The following ERICH6 variants were observed in gnomAD, a reference collection of about 807,000 sequenced individuals.
The protein encoded by ERICH6 is glutamate rich 6, also known as glutamate-rich protein 6.
In ERICH6, 71 loss-of-function variants were observed where a neutral mutation model predicts 71.0. The ratio of observed to expected loss-of-function variants is 1.00; its 90% confidence interval spans 0.83 to 1.22. ERICH6 has a LOEUF of 1.22. Among genes scored for constraint, ERICH6 ranks in the 50% most tolerant of loss-of-function variants. The pLI, the probability that ERICH6 is intolerant of heterozygous loss-of-function variation, is 0.00. For synonymous variants in ERICH6, 262 were observed against 278.4 expected, an observed-to-expected ratio of 0.94 and a Z score of 0.59; for missense variants, 808 against 797.2, an observed-to-expected ratio of 1.01 and a Z score of -0.16.
intron 3 of ERICH6, among the ~76,000 whole-genome samples, chr3:150,698,393 C>T (rs754626249): frequency 4.6e-5 from 7 of 152,044 alleles, no homozygotes; most frequent in Non-Finnish European, 8.8e-5. Flanking sequence ...GGGAAATATA[C>T]TGGAAAAGTT....
intron 11 of ERICH6, 51 bp downstream of exon 11, chr3:150,673,904 CT>C (rs200794483): frequency 3.2e-5 from 49 of 1,551,424 alleles, no homozygotes; most frequent in Admixed American, 5.1e-5. Context: ...CTTGAGCTTT[CT>C]TTTTTTTGAA....
Position 150,703,654 on chromosome 3 carries a change from G to A in ERICH6, c.245C>T (p.Thr82Met). 1.9e-6 allele frequency: 3 copies of A among 1,613,876 alleles called. No homozygotes were observed. Among genetic ancestry groups the A allele is most frequent in the Non-Finnish European group, 2.5e-6 (3 of 1,179,924 alleles). ...TFSEEYLWKV[T>M]DIGDYDDDFP... Reference sequence around the variant, plus strand: ...GTCGTCGTCGTAGTCACCGATGTCCGTGACCTTCCAGAGGTACTCTTCGCT... The same window carrying A: ...GTCGTCGTCGTAGTCACCGATGTCCATGACCTTCCAGAGGTACTCTTCGCT... Residue 82 changes from threonine to methionine, a missense_variant, in exon 1 of 14, where the codon ACG becomes ATG. Coordinates refer to ENST00000295910, the MANE Select transcript of ERICH6 (RefSeq NM_152394.5).
At chr3:150,694,049 G>T (rs185315362) in intron 3 of ERICH6, among the ~76,000 whole-genome samples, 1 of 152,146 alleles carries the variant, frequency 6.6e-6, no homozygotes, top group Non-Finnish European at 1.5e-5. Context: ...GGACTTCAGA[G>T]TAATGTGGCC....
intron 10 of ERICH6, among the ~76,000 whole-genome samples, chr3:150,674,534 C>T (rs1242467993): frequency 6.6e-6 from 1 of 152,156 alleles, no homozygotes; most frequent in Admixed American, 6.5e-5. Context: ...CTTTCCTCAG[C>T]CTCTTCTTCT....
At chr3:150,703,208 G>A (rs1712984430) in intron 1 of ERICH6, among the ~76,000 whole-genome samples, 1 of 151,074 alleles carries the variant, frequency 6.6e-6, no homozygotes, top group African/African-American at 2.5e-5. Context: ...CTGGGCGACA[G>A]AGCGAGACTC....
intron 10 of ERICH6, among the ~76,000 whole-genome samples, chr3:150,674,959 C>G (rs562470391): frequency 1.3e-5 from 2 of 152,136 alleles, no homozygotes; most frequent in South Asian, 2.1e-4. Flanking sequence ...ATGGTGAAAC[C>G]CTGTCTTCAC....
At chr3:150,696,624 C>T (rs1376324743) in intron 3 of ERICH6, among the ~76,000 whole-genome samples, 2 of 152,026 alleles carry the variant, frequency 1.3e-5, no homozygotes, top group Admixed American at 6.6e-5. Context: ...AAGATATGAA[C>T]ACTGTTTGCT....
chr3:150,663,427 A>C (rs888114012), intron 13 of ERICH6, among the ~76,000 whole-genome samples: 6 of 145,856 alleles, frequency 4.1e-5, no homozygotes, highest in African/African-American at 1.7e-4. Context: ...AGACTGGATC[A>C]AGTGTTGAAA....
intron 3 of ERICH6, among the ~76,000 whole-genome samples, chr3:150,698,589 A>T (rs1712741694): frequency 6.6e-6 from 1 of 152,242 alleles, no homozygotes. Flanking sequence ...TTTGATCTTC[A>T]TAAGAATCCT....
At position 150,685,796 on chromosome 3, in the gene ERICH6, T is replaced by C; in HGVS notation, c.729A>G (p.Pro243=). 1 of 1,614,156 alleles carries C rather than the reference T, an allele frequency of 6.2e-7. No homozygotes were observed. The highest frequency in any genetic ancestry group is 8.5e-7 in the Non-Finnish European group (1 of 1,180,026). ...PSLRTLPSIG[P]PSILAYKEES... The stretch of plus-strand genomic sequence containing the variant: ...CTTCTTTGTATGCCAGAATGGATGG[T>C]GGTCCGATGCTGGGTAACGTTCTTA... The change falls in exon 6 of 14, where the codon CCA becomes CCG. Residue 243 remains proline, a synonymous_variant. Coordinates refer to ENST00000295910, the MANE Select transcript of ERICH6 (RefSeq NM_152394.5).
chr3:150,667,693 G>C (rs958684361), intron 12 of ERICH6, among the ~76,000 whole-genome samples: 2 of 152,148 alleles, frequency 1.3e-5, no homozygotes, highest in African/African-American at 4.8e-5. Flanking sequence ...TAATCGCTGT[G>C]CCATTCTATT....
At position 150,678,343 on chromosome 3, in the gene ERICH6, CTT is replaced by C. The variant is rs1018037921; in HGVS notation, c.1257+64_1257+65del. ...TCATGTAGCCAAGCTTCATGAAAGA[CTT>C]TATAATTTTAGGTAAAACTGGTTTT... On this transcript the variant is annotated intron_variant, in intron 10 of 13. Transcript: ENST00000295910. 1.2e-5 allele frequency: 18 copies of C among 1,464,630 alleles called. No homozygotes were observed. The African/African-American group carries it at 2.3e-4, about 19-fold the overall frequency. The allele number at this position is 1,464,630 out of a possible 1,614,324, so 90.7% of individuals were successfully genotyped here.
At chr3:150,678,378 A>G in intron 10 of ERICH6, 31 bp downstream of exon 10, 1 of 1,530,092 alleles carries the variant, frequency 6.5e-7, no homozygotes, top group Non-Finnish European at 8.7e-7. Flanking sequence ...TTTTTTTAAA[A>G]TAGCAAGTAA....
chr3:150,700,234 C>G (rs1475171368), intron 2 of ERICH6, among the ~76,000 whole-genome samples: 1 of 145,804 alleles, frequency 6.9e-6, no homozygotes, highest in Non-Finnish European at 1.5e-5. Flanking sequence ...GCCACCATGC[C>G]CGGCTAATTT....
chr3:150,666,302 A>G (rs1727413425), intron 13 of ERICH6, among the ~76,000 whole-genome samples: 1 of 152,184 alleles, frequency 6.6e-6, no homozygotes, highest in South Asian at 2.1e-4. Context: ...TTCAACAAGC[A>G]CGGGGATGGT....
intron 5 of ERICH6, 40 bp downstream of exon 5, chr3:150,685,926 T>A (rs1258282757): frequency 6.3e-7 from 1 of 1,597,192 alleles, no homozygotes; most frequent in Admixed American, 1.7e-5. Flanking sequence ...ATTTTTACTA[T>A]GAGAACAGTG....
chr3:150,682,890 G>A (rs2108061650), intron 6 of ERICH6, among the ~76,000 whole-genome samples: 1 of 152,276 alleles, frequency 6.6e-6, no homozygotes, highest in Middle Eastern at 3.4e-3. Flanking sequence ...ATTCAGGACA[G>A]GGAGGAGGAG....
intron 3 of ERICH6, among the ~76,000 whole-genome samples, chr3:150,691,548 A>T (rs1420956161): frequency 6.6e-6 from 1 of 152,156 alleles, no homozygotes; most frequent in Non-Finnish European, 1.5e-5. Context: ...CCTAGAGTAG[A>T]ATGACTGGTT....
chr3:150,660,441 GAC>G (rs1470966124), intron 13 of ERICH6, among the ~76,000 whole-genome samples: 2 of 152,184 alleles, frequency 1.3e-5, no homozygotes, highest in East Asian at 3.9e-4. Flanking sequence ...AGATGCCTCA[GAC>G]ACAGTCCCTT....
Sources: gnomAD v4.1 joint callset for allele counts (sites outside exome capture counted in the v4.1 genomes callset) on GRCh38, gnomAD v4.1.1 for gene constraint, MANE v1.5 for transcripts, NCBI Gene and HGNC (gene_info 2026-07-23, HGNC 2026-07-21) for gene names.